IFT140: variants seen among roughly 807,000 people sequenced by gnomAD.
The protein encoded by IFT140 is intraflagellar transport 140.
IFT140 carries 133 observed loss-of-function variants against 164.6 expected under a neutral mutation model. The ratio of observed to expected loss-of-function variants is 0.81; its 90% confidence interval spans 0.70 to 0.93. The LOEUF is 0.93. Among genes scored for constraint, IFT140 ranks in the 40% least tolerant of loss-of-function variants. The pLI, the probability that IFT140 is intolerant of heterozygous loss-of-function variation, is 0.00. For missense variants in IFT140, 2,045 were observed against 1,972.3 expected (o/e 1.04, Z -0.70); for synonymous variants, 860 against 817.3 (o/e 1.05, Z -0.89).
At chr16:1,569,229 G>C (rs559418268) in intron 14 of IFT140, among the ~76,000 whole-genome samples, 1 of 151,962 alleles carries the variant, frequency 6.6e-6, no homozygotes, top group Non-Finnish European at 1.5e-5. Context: ...AGATGGTCTC[G>C]ATCTCCTTGA....
At chr16:1,592,740 G>A in intron 4 of IFT140, 152 bp from the exon 5 acceptor site, 1 of 1,284,526 alleles carries the variant, frequency 7.8e-7, no homozygotes, top group Admixed American at 2.6e-5. Flanking sequence ...GTGACTGGTG[G>A]AGGGACAGGT....
intron 4 of IFT140, among the ~76,000 whole-genome samples, chr16:1,596,917 C>T (rs1001912599): frequency 3.9e-5 from 6 of 152,096 alleles, no homozygotes; most frequent in African/African-American, 1.2e-4. Context: ...TTATTTCACA[C>T]GGTATAATTT....
At chr16:1,589,894 C>A (rs1258788917) in intron 6 of IFT140, 114 bp from the exon 7 acceptor site, 1 of 992,846 alleles carries the variant, frequency 1.0e-6, no homozygotes, top group Non-Finnish European at 1.5e-6. Flanking sequence ...AAAGCATCTT[C>A]AGTATAAGAA....
In IFT140 at chr16:1,523,514, G is replaced by A. The variant is rs367744951; in HGVS notation, c.3453+4C>T. The A allele has an allele frequency of 6.8e-6, 11 of 1,608,558 alleles. No homozygotes were observed. Among genetic ancestry groups the A allele is most frequent in the African/African-American group, 2.7e-5 (2 of 74,892 alleles). On this transcript the variant is annotated splice_donor_region_variant and intron_variant, in intron 26 of 30. Coordinates refer to ENST00000426508, the MANE Select transcript of IFT140 (RefSeq NM_014714.4). Reference sequence around the variant, plus strand: ...GCCGAGCCCAGGCCCCGCTGGCCCCGTACCTTCCTGGCAGCCAGCAGCAGC... The same window carrying A: ...GCCGAGCCCAGGCCCCGCTGGCCCCATACCTTCCTGGCAGCCAGCAGCAGC...
intron 4 of IFT140, among the ~76,000 whole-genome samples, chr16:1,597,321 C>T (rs1331200308): frequency 1.3e-5 from 2 of 152,200 alleles, no homozygotes; most frequent in Non-Finnish European, 2.9e-5. Flanking sequence ...TCCCTGGTTA[C>T]TGCTGATTGG....
At chr16:1,572,676 AC>A (rs2034085461) in intron 13 of IFT140, among the ~76,000 whole-genome samples, 1 of 151,872 alleles carries the variant, frequency 6.6e-6, no homozygotes, top group South Asian at 2.1e-4. Flanking sequence ...GAAAGCATAT[AC>A]CCCACAGTCA....
intron 13 of IFT140, chr16:1,578,384 TA>T (rs1880565317): frequency 6.6e-6 from 1 of 152,056 alleles, no homozygotes; most frequent in African/African-American, 2.4e-5. Context: ...CAACGATAGC[TA>T]AAATCAGGCT....
At chr16:1,589,849 A>G in intron 6 of IFT140, 69 bp from the exon 7 acceptor site, 1 of 1,367,218 alleles carries the variant, frequency 7.3e-7, no homozygotes, top group Non-Finnish European at 1.0e-6. Flanking sequence ...CCTCACCAGC[A>G]GCCATTTCTA....
At chr16:1,534,548 C>G in intron 19 of IFT140, 5 of 1,603,050 alleles carry the variant, frequency 3.1e-6, no homozygotes, top group Non-Finnish European at 4.2e-6. Flanking sequence ...CCCGAGGCAC[C>G]GTCAAACGTA....
intron 19 of IFT140, among the ~76,000 whole-genome samples, chr16:1,527,748 T>A (rs2040753624): frequency 6.6e-6 from 1 of 152,186 alleles, no homozygotes; most frequent in Non-Finnish European, 1.5e-5. Flanking sequence ...AGTTTTTGTA[T>A]TTTTTGTAGA....
Position 1,564,087 on chromosome 16 carries a change from C to G in IFT140, c.1977G>C (p.Arg659=). ...CCTGCACGGCTTCGCATACAAACAG[C>G]CGGGGCTCACTCTGGTCCCAGAAGT... ...VNHFWDQSEP[R]LFVCEAVQET... Residue 659 remains arginine, a synonymous_variant, in exon 17 of 31, where the codon CGG becomes CGC. Coordinates refer to ENST00000426508, the MANE Select transcript of IFT140 (RefSeq NM_014714.4). This position sits in a 1 kb window ranked among gnomAD's most constrained non-coding sequence, Gnocchi z 5.5. 1 of 1,604,434 alleles carries G rather than the reference C, an allele frequency of 6.2e-7. No homozygotes were observed. The highest frequency in any genetic ancestry group is 8.5e-7 in the Non-Finnish European group (1 of 1,172,498).
chr16:1,587,318 A>C lies in IFT140; in HGVS notation c.903-14T>G, dbSNP rs1414872434. ...ATGTCCCAGAATCTACAACAGAAGAAAGCAAGCCCCATGGAGGGCCTGTGT... is the reference window on the plus strand; with the variant it reads ...ATGTCCCAGAATCTACAACAGAAGACAGCAAGCCCCATGGAGGGCCTGTGT... On this transcript the variant is annotated splice_polypyrimidine_tract_variant and intron_variant, in intron 8 of 30. Transcript: ENST00000426508. The C allele has an allele frequency of 6.4e-7, 1 of 1,562,762 alleles. No individual in the cohort carries two copies. The highest frequency in any genetic ancestry group is 8.8e-7 in the Non-Finnish European group (1 of 1,133,656).
At chr16:1,580,873 G>A (rs772498920) in intron 12 of IFT140, 23 bp from the exon 13 acceptor site, 36 of 1,540,090 alleles carry the variant, frequency 2.3e-5, no homozygotes, top group Non-Finnish European at 3.0e-5. Flanking sequence ...ACGAACATCA[G>A]GATGGCGGCC....
In IFT140 at chr16:1,571,411, G is replaced by T; in HGVS notation, c.1648C>A (p.Arg550=). 2 of 1,609,166 alleles carry T rather than the reference G, an allele frequency of 1.2e-6. No individual in the cohort carries two copies. The highest frequency in any genetic ancestry group is 1.1e-5 in the South Asian group (1 of 89,698). Residue 550 remains arginine, a synonymous_variant, in exon 14 of 31, where the codon CGA becomes AGA. Coordinates refer to ENST00000426508, the MANE Select transcript of IFT140 (RefSeq NM_014714.4). ...CTATTTGGAAAAAAAATTTACCTTC[G>T]GGAAAGATCAAAGCTTTTAAAGTGA... ...LAHFKSFDLS[R]REAKAHCSCR...
At chr16:1,526,119 A>G (rs1480598006) in intron 20 of IFT140, 42 bp from the exon 21 acceptor site, 3 of 1,522,102 alleles carry the variant, frequency 2.0e-6, no homozygotes, top group Non-Finnish European at 2.7e-6. Context: ...GCCTCCACAC[A>G]CCCACGTCTC....
intron 17 of IFT140, among the ~76,000 whole-genome samples, chr16:1,562,730 C>A (rs529490385): frequency 6.6e-6 from 1 of 152,228 alleles, no homozygotes; most frequent in African/African-American, 2.4e-5. Context: ...TGAGATCATG[C>A]CAGTGCACTC....
rs548786290 is a variant in IFT140, at chr16:1,568,321, G to T, written c.1666C>A (p.His556Asn). ...FDLSRREAKA[H>N]CSCRSLAELV... is the part of the protein sequence containing the mutation. ...TCCGCCAGGCTCCTGCAGCTACAGT[G>T]TGCTTTGGCCTCTCTGCAGGGAGGA... Residue 556 changes from histidine (H) to asparagine (N), a missense_variant, in exon 15 of 31, where the codon CAC becomes AAC. Transcript: ENST00000426508. 1.9e-6 allele frequency: 3 copies of T among 1,613,658 alleles called. No homozygotes were observed. In the East Asian group the frequency reaches 6.7e-5, roughly 36 times the overall value.
chr16:1,584,393 C>T lies in IFT140; in HGVS notation c.1183G>A (p.Val395Met). The change falls in exon 11 of 31, where the codon GTG (valine) becomes ATG (methionine). Residue 395 changes from valine to methionine, a missense_variant. Transcript: ENST00000426508. ...QWGSRKNLLA[V>M]NSVISVAILS... is the part of the protein sequence containing the mutation. ...ATGGCCACGGAGATGACGCTGTTCA[C>T]TGCCAGCAGGTTCTTCCTGGAACCC... The T allele has an allele frequency of 6.2e-7, 1 of 1,610,878 alleles. No homozygotes were observed. The highest frequency in any genetic ancestry group is 8.5e-7 in the Non-Finnish European group (1 of 1,178,968).
chr16:1,544,717 C>T (rs1156916655), intron 19 of IFT140, among the ~76,000 whole-genome samples: 3 of 151,802 alleles, frequency 2.0e-5, no homozygotes, highest in Non-Finnish European at 4.4e-5. Context: ...GGCGCGATCT[C>T]GGCTCACTGC....
Sources: allele counts gnomAD v4.1 joint callset (sites outside exome capture counted in the v4.1 genomes callset), GRCh38; gene constraint gnomAD v4.1.1; non-coding constraint Gnocchi (gnomAD v3.1); transcripts MANE v1.5; gene names NCBI Gene and HGNC (gene_info 2026-07-23, HGNC 2026-07-21).